The following GCKR variants were observed in gnomAD, a reference collection of about 807,000 sequenced individuals.
GCKR encodes glucokinase regulator.
GCKR carries 73 observed loss-of-function variants against 82.9 expected under a neutral mutation model. That is an observed-to-expected ratio of 0.88 (90% confidence interval 0.73 to 1.07). GCKR has a LOEUF of 1.07. Ranked by LOEUF, GCKR falls within the 50% of genes least tolerant of loss-of-function variation. The pLI, the probability that GCKR is intolerant of heterozygous loss-of-function variation, is 0.00. For missense variants in GCKR, 784 were observed against 782.1 expected (o/e 1.00, Z -0.03); for synonymous variants, 294 against 291.8 (o/e 1.01, Z -0.08).
At position 27,523,495 on chromosome 2, in the gene GCKR, C is replaced by A; in HGVS notation, c.*56C>A. 2 of 1,547,426 alleles carry A rather than the reference C, an allele frequency of 1.3e-6. No individual in the cohort carries two copies. Among genetic ancestry groups the A allele is most frequent in the Non-Finnish European group, 8.8e-7 (1 of 1,133,016 alleles). On this transcript the variant is annotated 3_prime_UTR_variant, in exon 19 of 19. Coordinates refer to ENST00000264717, the MANE Select transcript of GCKR (RefSeq NM_001486.4). ...CAACCCTGCCCACTTCAGCCCAGCC[C>A]GCCCAAGGGGACTTGTGCCAGCAGA...
At position 27,509,514 on chromosome 2, in the gene GCKR, A is replaced by AT. The variant is rs769476005; in HGVS notation, c.1422+1271dup. ...ACCACCATGACTGGCTAATTTTTGT[A>AT]TTTTTTTTGTAGAGATCGGGTTTCT... is the stretch of plus-strand genomic sequence containing the variant. On this transcript the variant is annotated intron_variant, in intron 16 of 18. Coordinates refer to ENST00000264717, the MANE Select transcript of GCKR (RefSeq NM_001486.4). The AT allele has an allele frequency of 2.1e-4, 94 of 441,404 alleles. 1 individual carries two copies. The highest frequency in any genetic ancestry group is 5.3e-4 in the South Asian group (33 of 62,780). 27.3% of individuals were successfully genotyped at this position (441,404 alleles called of 1,614,324 possible).
At chr2:27,504,482 G>A (rs892559484) in intron 9 of GCKR, among the ~76,000 whole-genome samples, 6 of 151,778 alleles carry the variant, frequency 4.0e-5, no homozygotes, top group East Asian at 2.0e-4. Context: ...CTCAGTCTGC[G>A]GAGTAGCTGG....
chr2:27,512,923 G>A (rs1220668200), intron 16 of GCKR, among the ~76,000 whole-genome samples: 1 of 152,106 alleles, frequency 6.6e-6, no homozygotes, highest in Non-Finnish European at 1.5e-5. Context: ...TGATTGTTTC[G>A]TCATGATATT....
chr2:27,515,765 A>ATAT (rs1286679766), intron 16 of GCKR, among the ~76,000 whole-genome samples: 37 of 106,930 alleles, frequency 3.5e-4, no homozygotes, highest in African/African-American at 7.6e-4. Context: ...ATATATATAT[A>ATAT]TTTTTTTTTT....
chr2:27,516,386 G>A (rs1670010791), intron 16 of GCKR, among the ~76,000 whole-genome samples: 1 of 148,702 alleles, frequency 6.7e-6, no homozygotes, highest in Non-Finnish European at 1.5e-5. Flanking sequence ...CGCCCCCCAG[G>A]TTCAAGTGAT....
intron 16 of GCKR, among the ~76,000 whole-genome samples, chr2:27,509,010 C>T (rs1312101271): frequency 6.6e-6 from 1 of 152,054 alleles, no homozygotes; most frequent in African/African-American, 2.4e-5. Context: ...TGTGTGTGCT[C>T]TTTGCAATTT....
intron 16 of GCKR, among the ~76,000 whole-genome samples, chr2:27,510,056 T>C (rs1669843962): frequency 6.6e-6 from 1 of 151,970 alleles, no homozygotes; most frequent in African/African-American, 2.4e-5. Context: ...TCACCCAGAC[T>C]GGAGTGCAGT....
chr2:27,507,705 G>A lies in GCKR; in HGVS notation c.1168G>A (p.Glu390Lys). The change falls in exon 14 of 19, where the codon GAG becomes AAG. Residue 390 changes from glutamate (E) to lysine (K), a missense_variant. Transcript: ENST00000264717. ...GGGTCCCCAGTTCACCTTCTCCCAG[G>A]AGGACTTCCTGACTTCCATCCTTCC... ...NQGPQFTFSQEDFLTSILPSL... is the reference protein window; with the variant it reads ...NQGPQFTFSQKDFLTSILPSL... 6.2e-7 allele frequency: 1 copy of A among 1,606,818 alleles called. No individual in the cohort carries two copies. Among genetic ancestry groups the A allele is most frequent in the Non-Finnish European group, 8.5e-7 (1 of 1,173,746 alleles).
At chr2:27,515,514 G>A (rs1457532103) in intron 16 of GCKR, among the ~76,000 whole-genome samples, 1 of 152,020 alleles carries the variant, frequency 6.6e-6, no homozygotes, top group Non-Finnish European at 1.5e-5. Context: ...GACCTCAAGT[G>A]ATCCACTCGC....
At position 27,497,335 on chromosome 2, in the gene GCKR, G is replaced by A. The variant is rs148289865; in HGVS notation, c.152G>A (p.Arg51Gln). ...LDKADAENIV[R>Q]LLGQCDAEIF... is the part of the protein sequence containing the mutation. The stretch of plus-strand genomic sequence containing the variant: ...AAAGCAGATGCTGAGAACATTGTTC[G>A]ACTGCTAGGGCAATGTGATGCTGAG... Residue 51 changes from arginine to glutamine, a missense_variant, in exon 2 of 19, where the codon CGA (arginine) becomes CAA (glutamine). Coordinates refer to ENST00000264717, the MANE Select transcript of GCKR (RefSeq NM_001486.4). 656 of 1,614,030 alleles carry A rather than the reference G, an allele frequency of 4.1e-4. 2 individuals are homozygous for A. Among genetic ancestry groups the A allele is most frequent in the Non-Finnish European group, 3.4e-4 (406 of 1,180,028 alleles).
intron 16 of GCKR, among the ~76,000 whole-genome samples, chr2:27,517,573 G>A (rs1384826035): frequency 6.6e-6 from 1 of 152,176 alleles, no homozygotes; most frequent in Non-Finnish European, 1.5e-5. Flanking sequence ...TCTCTCTCTT[G>A]ACACATGGGG....
At position 27,497,647 on chromosome 2, in the gene GCKR, T is replaced by C; in HGVS notation, c.285+17T>C. 6.5e-7 allele frequency: 1 copy of C among 1,531,964 alleles called. No individual in the cohort carries two copies. The highest frequency in any genetic ancestry group is 1.7e-5 in the Admixed American group (1 of 59,934). The allele number at this position is 1,531,964 out of a possible 1,614,324, so 94.9% of individuals were successfully genotyped here. On this transcript the variant is annotated intron_variant, in intron 3 of 18. Coordinates refer to ENST00000264717, the MANE Select transcript of GCKR (RefSeq NM_001486.4). ...GTGCTGAAGGTACTAACCTTCCTTC[T>C]GTTCCCTGCCTAAACTTTTCTGTTT...
chr2:27,496,921 G>A lies in GCKR; in HGVS notation c.17G>A (p.Arg6Gln), dbSNP rs763613477. MPGTK[R>Q]FQHVIETPEP... is the part of the protein sequence containing the mutation. The stretch of plus-strand genomic sequence containing the variant: ...CGTGGGACCATGCCAGGCACAAAAC[G>A]GTTTCAACATGTCATTGAGACCCCG... Residue 6 changes from arginine to glutamine, a missense_variant, in exon 1 of 19, where the codon CGG (arginine) becomes CAG (glutamine). Arg to Gln is a conservative substitution (Grantham distance 43). Transcript: ENST00000264717. 78 of 1,613,796 alleles carry A rather than the reference G, an allele frequency of 4.8e-5. No individual in the cohort carries two copies. The highest frequency in any genetic ancestry group is 5.8e-5 in the Non-Finnish European group (69 of 1,179,822).
chr2:27,510,964 A>G (rs567643358), intron 16 of GCKR, among the ~76,000 whole-genome samples: 9 of 152,114 alleles, frequency 5.9e-5, no homozygotes, highest in East Asian at 1.9e-4. Flanking sequence ...AAAATGTTAC[A>G]TAGTCAAATC....
At chr2:27,499,523 A>G (rs1217129413) in intron 7 of GCKR, 73 bp downstream of exon 7, 2 of 1,066,316 alleles carry the variant, frequency 1.9e-6, no homozygotes, top group African/African-American at 1.5e-5. Context: ...AGCATGGAAG[A>G]TAGATCAATG....
At chr2:27,519,028 C>A in intron 17 of GCKR, 91 bp downstream of exon 17, 1 of 1,189,432 alleles carries the variant, frequency 8.4e-7, no homozygotes, top group Non-Finnish European at 1.2e-6. Context: ...TGGAAATGTG[C>A]AAGGGTACAG....
At chr2:27,502,347 C>T (rs145262518) in intron 8 of GCKR, among the ~76,000 whole-genome samples, 1 of 152,242 alleles carries the variant, frequency 6.6e-6, no homozygotes, top group East Asian at 1.9e-4. Flanking sequence ...ACAACGTAGG[C>T]GTGGAGATCT....
At position 27,505,590 on chromosome 2, in the gene GCKR, A is replaced by G. The variant is rs545080142; in HGVS notation, c.751-128A>G. 1.3e-3 allele frequency: 940 copies of G among 721,674 alleles called. 15 individuals carry two copies. Among genetic ancestry groups the G allele is most frequent in the South Asian group, 0.013 (909 of 72,172 alleles). 44.7% of individuals were successfully genotyped at this position (721,674 alleles called of 1,614,324 possible). On this transcript the variant is annotated intron_variant, in intron 9 of 18. Coordinates refer to ENST00000264717, the MANE Select transcript of GCKR (RefSeq NM_001486.4). ...TCTTCCTCTCGGTCAAGCCCACCCC[A>G]GCACCCTTCCTCACAAGCACACTGG...
intron 16 of GCKR, among the ~76,000 whole-genome samples, chr2:27,516,640 T>C (rs1248964882): frequency 2.0e-5 from 3 of 152,206 alleles, no homozygotes; most frequent in Non-Finnish European, 2.9e-5. Context: ...AGGCCGATTT[T>C]TCCATGTGTA....
Sources: gnomAD v4.1 joint callset for allele counts (sites outside exome capture counted in the v4.1 genomes callset) on GRCh38, gnomAD v4.1.1 for gene constraint, MANE v1.5 for transcripts, NCBI Gene and HGNC (gene_info 2026-07-23, HGNC 2026-07-21) for gene names.